The following NAV2 variants were observed in gnomAD, a reference collection of about 807,000 sequenced individuals.
NAV2 encodes the protein helicase, APC down-regulated 1.
Under a neutral mutation model 223.2 loss-of-function variants are expected in NAV2, and 54 were observed. The ratio of observed to expected loss-of-function variants is 0.24; its 90% confidence interval spans 0.19 to 0.30. NAV2 has a LOEUF of 0.30. Ranked by LOEUF, NAV2 falls within the 10% of genes least tolerant of loss-of-function variation. The pLI is 1.00. For missense variants in NAV2, 2,806 were observed against 3,147.5 expected (o/e 0.89, Z 2.60); for synonymous variants, 1,279 against 1,239.3 (o/e 1.03, Z -0.67).
In NAV2 at chr11:19,683,936, A is replaced by G. The variant is rs2048945623; in HGVS notation, c.76-148548A>G. ...CTGCCACAATTGTTTGCATTAAAAT[A>G]TCTTTTCTTTTGCCAAAATGGGACG... On this transcript the variant is annotated intron_variant, in intron 1 of 37. Transcript: ENST00000360655. Among the ~76,000 whole-genome samples, 4 of 152,334 alleles carry G rather than the reference A, an allele frequency of 2.6e-5. No homozygotes were observed. The South Asian group carries it at 6.2e-4, about 24-fold the overall frequency.
chr11:20,005,207 T>C (rs562924579), intron 11 of NAV2, among the ~76,000 whole-genome samples: 120 of 151,446 alleles, frequency 7.9e-4, no homozygotes, highest in Middle Eastern at 3.5e-3. Context: ...GAGAACAATT[T>C]CAATCCCAAG....
rs1357150941 is a variant in NAV2 at position 20,051,352 on chromosome 11, TGC to T, written c.4481+20_4481+21del. 2.5e-6 allele frequency: 4 copies of T among 1,612,414 alleles called. No individual in the cohort carries two copies. The highest frequency in any genetic ancestry group is 8.5e-7 in the Non-Finnish European group (1 of 1,178,482). ...GACTCAGGTATCTGTGTTTCCTCCT[TGC>T]ATCTGTGCCATCTGTTGTGGCTTTG... On this transcript the variant is annotated intron_variant, in intron 17 of 37. Coordinates refer to ENST00000349880, the MANE Select transcript of NAV2 (RefSeq NM_145117.5).
chr11:19,732,578 A>T (rs2051893838), intron 1 of NAV2, among the ~76,000 whole-genome samples: 1 of 152,222 alleles, frequency 6.6e-6, no homozygotes. Context: ...TAACCAGCCC[A>T]AGGAGGCATA....
chr11:19,687,473 T>G (rs1443023117), intron 1 of NAV2, among the ~76,000 whole-genome samples: 4 of 152,160 alleles, frequency 2.6e-5, no homozygotes, highest in Non-Finnish European at 4.4e-5. Flanking sequence ...ACCATCCAGG[T>G]CAAGACATAG....
At chr11:19,413,357 T>C (rs1850227136) in intron 1 of NAV2, among the ~76,000 whole-genome samples, 1 of 151,956 alleles carries the variant, frequency 6.6e-6, no homozygotes, top group Admixed American at 6.6e-5. Flanking sequence ...AAATAAAGCA[T>C]GAAGACAAGA....
intron 1 of NAV2, among the ~76,000 whole-genome samples, chr11:19,797,968 T>G (rs1410941905): frequency 6.6e-6 from 1 of 152,176 alleles, no homozygotes; most frequent in Non-Finnish European, 1.5e-5. Context: ...TCTGATCAGC[T>G]TAAGTCAGTT....
rs1037142258 is a variant in NAV2, at chr11:19,937,187, C to G, written c.2034-2474C>G. On this transcript the variant is annotated intron_variant, in intron 7 of 37. Transcript: ENST00000349880. ...TCTGTCTAACTAGTGAGACCAGGCT[C>G]TTAACCACCAGTCTTGACTCTAAAT... Among the ~76,000 whole-genome samples the G allele has an allele frequency of 2.0e-5, 3 of 152,128 alleles. No individual in the cohort carries two copies. In the South Asian group the frequency reaches 6.2e-4, roughly 32 times the overall value.
chr11:19,533,941 C>T (rs1590434298), intron 1 of NAV2, among the ~76,000 whole-genome samples: 2 of 132,572 alleles, frequency 1.5e-5, no homozygotes, highest in East Asian at 3.9e-4. Flanking sequence ...CTCCTGACCT[C>T]GTGATCCGCC....
intron 1 of NAV2, among the ~76,000 whole-genome samples, chr11:19,457,841 G>A (rs1852009340): frequency 1.3e-5 from 2 of 152,188 alleles, no homozygotes; most frequent in South Asian, 2.1e-4. Flanking sequence ...GGGTCTTGCA[G>A]ATGAGTTGCA....
chr11:19,560,323 A>G (rs2045051779), intron 1 of NAV2, among the ~76,000 whole-genome samples: 1 of 152,210 alleles, frequency 6.6e-6, no homozygotes, highest in Non-Finnish European at 1.5e-5. Flanking sequence ...TGCCTGCGAG[A>G]AAACAAGTTC....
intron 1 of NAV2, among the ~76,000 whole-genome samples, chr11:19,534,275 G>A (rs2044120362): frequency 6.6e-6 from 1 of 152,176 alleles, no homozygotes; most frequent in Non-Finnish European, 1.5e-5. Flanking sequence ...TGGGATCTCA[G>A]AGGGCACGGA....
At position 20,080,206 on chromosome 11, in the gene NAV2, C is replaced by G. The variant is rs1460600938; in HGVS notation, c.5322C>G (p.Asn1774Lys). ...ACTCAAAGAAGAAGAAGCGGAAGAA[C>G]TGGGTGAGTGCACATCCACTCTCCT... ...ESDSKKKKRKNWLRSSFKQAF... is the reference protein window; with the variant it reads ...ESDSKKKKRKKWLRSSFKQAF... The change falls in exon 25 of 38, where the codon AAC (asparagine) becomes AAG (lysine). Residue 1774 changes from asparagine to lysine, a missense_variant. This residue lies in a region of NAV2 where 824 missense variants were observed against 1,069.4 expected (regional missense o/e 0.77). Transcript: ENST00000349880. 2 of 1,613,314 alleles carry G rather than the reference C, an allele frequency of 1.2e-6. No homozygotes were observed. Among genetic ancestry groups the G allele is most frequent in the East Asian group, 2.2e-5 (1 of 44,802 alleles).
intron 1 of NAV2, among the ~76,000 whole-genome samples, chr11:19,528,374 G>C (rs776611772): frequency 2.0e-5 from 3 of 152,026 alleles, no homozygotes; most frequent in Non-Finnish European, 4.4e-5. Flanking sequence ...TGCAGTTTAG[G>C]GACACTGCTG....
chr11:20,054,103 G>C lies in NAV2; in HGVS notation c.4505G>C (p.Arg1502Pro). 1 of 1,611,988 alleles carries C rather than the reference G, an allele frequency of 6.2e-7. No individual in the cohort carries two copies. Among genetic ancestry groups the C allele is most frequent in the African/African-American group, 1.3e-5 (1 of 74,852 alleles). The stretch of plus-strand genomic sequence containing the variant: ...AGGTATACTCCCACCTCCCAGCTTC[G>C]CACGCAAGAAGATGCAAAAGAATGG... The part of the protein sequence containing the change: ...GLRYTPTSQL[R>P]TQEDAKEWLR... Residue 1502 changes from arginine (R) to proline (P), a missense_variant, in exon 18 of 38, where the codon CGC (arginine) becomes CCC (proline). Physicochemically the swap from Arg to Pro is moderately radical, Grantham distance 103. Around this residue, in one of 4 missense-constraint regions of NAV2, gnomAD observed 742 missense variants for 777.9 expected, o/e 0.95. Transcript: ENST00000349880.
intron 6 of NAV2, among the ~76,000 whole-genome samples, chr11:19,893,541 C>T (rs1028167546): frequency 1.3e-5 from 2 of 152,196 alleles, no homozygotes; most frequent in Non-Finnish European, 2.9e-5. Flanking sequence ...CTGGGAACCG[C>T]CGCCATTTTC....
At chr11:19,903,055 A>T (rs1314171305) in intron 6 of NAV2, among the ~76,000 whole-genome samples, 1 of 152,126 alleles carries the variant, frequency 6.6e-6, no homozygotes, top group Admixed American at 6.5e-5. Context: ...AGGACATGAC[A>T]TCCTCAGGCT....
intron 3 of NAV2, among the ~76,000 whole-genome samples, chr11:19,848,930 A>T (rs1565423185): frequency 6.6e-6 from 1 of 152,198 alleles, no homozygotes; most frequent in African/African-American, 2.4e-5. Flanking sequence ...CAGTCCCATC[A>T]TAAGTGGCCC....
chr11:19,521,292 G>T (rs1174929631), intron 1 of NAV2, among the ~76,000 whole-genome samples: 1 of 152,120 alleles, frequency 6.6e-6, no homozygotes, highest in African/African-American at 2.4e-5. Context: ...GAGACACCAG[G>T]CTTCCTCTTG....
chr11:20,004,617 A>G (rs1246384022), intron 11 of NAV2, among the ~76,000 whole-genome samples: 1 of 152,116 alleles, frequency 6.6e-6, no homozygotes, highest in Non-Finnish European at 1.5e-5. Flanking sequence ...ATTCTCACAT[A>G]AATTCCCTCT....
Sources: gnomAD v4.1 joint callset for allele counts (sites outside exome capture counted in the v4.1 genomes callset) on GRCh38, gnomAD v4.1.1 for gene constraint, gnomAD v4.1.1 regional missense constraint, MANE v1.5 for transcripts, NCBI Gene and HGNC (gene_info 2026-07-23, HGNC 2026-07-21) for gene names.